The following SLC14A2 variants were observed in gnomAD, a reference collection of about 807,000 sequenced individuals.
SLC14A2 encodes urea transporter 2.
In SLC14A2, 91 loss-of-function variants were observed where a neutral mutation model predicts 104.6. The observed-to-expected ratio is 0.87, with a 90% CI of 0.73 to 1.04. The LOEUF (loss-of-function observed/expected upper bound fraction) is 1.04, where lower values mean the gene tolerates loss of function less well. SLC14A2 is among the 50% of genes least tolerant of loss of function. The pLI, the probability that SLC14A2 is intolerant of heterozygous loss-of-function variation, is 0.00. For missense variants in SLC14A2, 1,189 were observed against 1,156.0 expected, an observed-to-expected ratio of 1.03 and a Z score of -0.41; for synonymous variants, 476 against 466.4, an observed-to-expected ratio of 1.02 and a Z score of -0.27.
At chr18:45,611,599 T>C (rs775366053), upstream of SLC14A2, among the ~76,000 whole-genome samples, 6 of 152,124 alleles carry the variant, frequency 3.9e-5, no homozygotes, top group Admixed American at 6.5e-5. Flanking sequence ...TTAAGCTACA[T>C]AAGGCCCAGC....
intron 4 of SLC14A2, among the ~76,000 whole-genome samples, chr18:45,631,325 A>G (rs1223812882): frequency 2.6e-5 from 4 of 152,256 alleles, no homozygotes; most frequent in Non-Finnish European, 4.4e-5. Context: ...ACTCCTTGGC[A>G]GGGGCCTTGC....
intron 1 of SLC14A2, among the ~76,000 whole-genome samples, chr18:45,433,675 G>C (rs965282349): frequency 1.3e-5 from 2 of 152,176 alleles, no homozygotes; most frequent in Non-Finnish European, 2.9e-5. Flanking sequence ...AAAGCTTCCT[G>C]ATTATTTGGG....
chr18:45,495,472 C>T (rs1598914824), intron 2 of SLC14A2, among the ~76,000 whole-genome samples: 1 of 152,296 alleles, frequency 6.6e-6, no homozygotes, highest in East Asian at 1.9e-4. Flanking sequence ...TGCCACCCAG[C>T]CACCCGGTGA....
intron 1 of SLC14A2, among the ~76,000 whole-genome samples, chr18:45,241,284 G>A (rs1477841496): frequency 6.6e-5 from 10 of 152,198 alleles, no homozygotes; most frequent in Non-Finnish European, 2.9e-5. Context: ...AAGGGGTGAC[G>A]TGCTCTGGCT....
chr18:45,602,060 A>G (rs931132508), intron 2 of SLC14A2, among the ~76,000 whole-genome samples: 16 of 152,244 alleles, frequency 1.1e-4, no homozygotes, highest in Admixed American at 1.0e-3. Flanking sequence ...CACTTCCCAG[A>G]TTAAGCCAAA....
chr18:45,387,900 T>C (rs961029774), intron 1 of SLC14A2, among the ~76,000 whole-genome samples: 3 of 152,022 alleles, frequency 2.0e-5, no homozygotes, highest in Non-Finnish European at 2.9e-5. Context: ...TAGGGCAGAC[T>C]GAAAAGTGGG....
At chr18:45,674,931 C>T (rs1465449643) in intron 18 of SLC14A2, among the ~76,000 whole-genome samples, 2 of 152,332 alleles carry the variant, frequency 1.3e-5, no homozygotes, top group African/African-American at 4.8e-5. Context: ...CACTCACCTC[C>T]CCAAGTCCCA....
chr18:45,338,384 G>A (rs1034782175), intron 1 of SLC14A2, among the ~76,000 whole-genome samples: 4 of 151,922 alleles, frequency 2.6e-5, no homozygotes, highest in Admixed American at 6.6e-5. Context: ...GTATTTTTTA[G>A]TAGAGACAGG....
At chr18:45,364,137 C>G (rs2085643200) in intron 1 of SLC14A2, among the ~76,000 whole-genome samples, 1 of 152,220 alleles carries the variant, frequency 6.6e-6, no homozygotes, top group Non-Finnish European at 1.5e-5. Context: ...GAGTCACTCC[C>G]TCAACTCGTC....
chr18:45,642,520 G>A (rs1432333276), intron 8 of SLC14A2, among the ~76,000 whole-genome samples: 2 of 152,220 alleles, frequency 1.3e-5, no homozygotes, highest in Non-Finnish European at 2.9e-5. Context: ...CAGAGAAGGA[G>A]AAAGAGCAAA....
At chr18:45,331,300 A>T (rs533692299) in intron 1 of SLC14A2, among the ~76,000 whole-genome samples, 1 of 152,354 alleles carries the variant, frequency 6.6e-6, no homozygotes, top group East Asian at 1.9e-4. Context: ...CTACATAAAA[A>T]TTTTGACAAG....
the SLC14A2 span, among the ~76,000 whole-genome samples, chr18:45,205,297 A>AT: frequency 6.6e-6 from 1 of 152,232 alleles, no homozygotes; most frequent in East Asian, 1.9e-4. Context: ...GGTATAATTT[A>AT]TACAAGTACA....
intron 4 of SLC14A2, among the ~76,000 whole-genome samples, chr18:45,631,455 C>A (rs554942362): frequency 2.6e-5 from 4 of 152,338 alleles, no homozygotes; most frequent in Admixed American, 2.0e-4. Context: ...GGTGCATACA[C>A]CAGCTTCTCC....
chr18:45,330,539 A>T lies in SLC14A2; in HGVS notation c.-125+117348A>T, dbSNP rs536019895. On this transcript the variant is annotated intron_variant, in intron 1 of 20. Transcript: ENST00000586448. ...ATGCCCTATCTTTGAGTGATAGAGG[A>T]TATACTAAAGAAGGCAGAATGCCTG... 4.6e-5 allele frequency among the ~76,000 whole-genome samples: 7 copies of T among 152,326 alleles called. No homozygotes were observed. In the South Asian group the frequency reaches 1.4e-3, roughly 32 times the overall value.
intron 1 of SLC14A2, among the ~76,000 whole-genome samples, chr18:45,332,426 A>T (rs2085299617): frequency 6.6e-6 from 1 of 152,208 alleles, no homozygotes; most frequent in African/African-American, 2.4e-5. Context: ...GTTATATGAA[A>T]ATACTACACC....
intron 1 of SLC14A2, among the ~76,000 whole-genome samples, chr18:45,381,874 G>A (rs186559446): frequency 6.6e-6 from 1 of 152,134 alleles, no homozygotes; most frequent in East Asian, 1.9e-4. Flanking sequence ...CTGGACAGGA[G>A]AACCATTTTA....
intron 1 of SLC14A2, among the ~76,000 whole-genome samples, chr18:45,239,287 C>T (rs1473270586): frequency 1.3e-5 from 2 of 152,224 alleles, no homozygotes; most frequent in East Asian, 3.8e-4. Context: ...TGCCACTGTC[C>T]ACTGTTGGAA....
chr18:45,213,922 C>A (rs1319990126), intron 1 of SLC14A2, among the ~76,000 whole-genome samples: 1 of 152,112 alleles, frequency 6.6e-6, no homozygotes, highest in Non-Finnish European at 1.5e-5. Context: ...GTTTCACAGT[C>A]GTCAGACCAA....
chr18:45,510,335 G>C lies in SLC14A2; in HGVS notation c.-35+27013G>C, dbSNP rs113138544. Among the ~76,000 whole-genome samples, 478 of 152,302 alleles carry C rather than the reference G, an allele frequency of 3.1e-3. 1 individual carries two copies. The highest frequency in any genetic ancestry group is 0.017 in the Middle Eastern group (5 of 294). ...ACTCCTTAAGATCATGCAACTTATA[G>C]TGATTTATCTGTGCCCCCAAGCCAT... On this transcript the variant is annotated intron_variant, in intron 2 of 20. Transcript: ENST00000586448.
Sources: allele counts gnomAD v4.1 joint callset (sites outside exome capture counted in the v4.1 genomes callset), GRCh38; gene constraint gnomAD v4.1.1; transcripts MANE v1.5; gene names NCBI Gene and HGNC (gene_info 2026-07-23, HGNC 2026-07-21).